SEMA5A: variants seen among roughly 807,000 people sequenced by gnomAD.
SEMA5A encodes semaphorin 5A, also known as semaphorin-5A.
SEMA5A carries 55 observed loss-of-function variants against 135.5 expected under a neutral mutation model. The ratio of observed to expected loss-of-function variants is 0.41; its 90% CI spans 0.33 to 0.51. SEMA5A has a LOEUF of 0.51. Ranked by LOEUF, SEMA5A falls within the 20% of genes least tolerant of loss-of-function variation. The probability of loss-of-function intolerance (pLI) is 0.37; values close to 1 mark genes in which losing one functional copy is unlikely to be tolerated. For missense variants in SEMA5A, 1,290 were observed against 1,419.9 expected (o/e 0.91, Z 1.47); for synonymous variants, 580 against 546.5 (o/e 1.06, Z -0.85).
intron 3 of SEMA5A, among the ~76,000 whole-genome samples, chr5:9,359,164 G>C (rs566086613): frequency 1.3e-5 from 2 of 152,242 alleles, no homozygotes; most frequent in East Asian, 1.9e-4. Flanking sequence ...CCACCAGCTA[G>C]AGGCTGCAGA....
chr5:9,501,400 T>G (rs969613467), intron 1 of SEMA5A, among the ~76,000 whole-genome samples: 2 of 152,234 alleles, frequency 1.3e-5, no homozygotes, highest in Non-Finnish European at 2.9e-5. Context: ...TGTGTATTTG[T>G]GTGTGTGCAT....
intron 16 of SEMA5A, among the ~76,000 whole-genome samples, chr5:9,106,127 T>C (rs1200139697): frequency 6.6e-6 from 1 of 152,076 alleles, no homozygotes; most frequent in Non-Finnish European, 1.5e-5. Context: ...AATAACACCT[T>C]CCTAGAAGTA....
chr5:9,298,009 T>G (rs1751427036), intron 5 of SEMA5A, among the ~76,000 whole-genome samples: 1 of 152,170 alleles, frequency 6.6e-6, no homozygotes, highest in Non-Finnish European at 1.5e-5. Context: ...GACCAAAATG[T>G]CCTCTAGTCA....
At chr5:9,227,037 T>C in intron 6 of SEMA5A, 70 bp from the exon 7 acceptor site, 3 of 759,304 alleles carry the variant, frequency 4.0e-6, no homozygotes, top group Middle Eastern at 3.3e-4. Flanking sequence ...GCTAACAAAG[T>C]CTGAGCACAA....
At chr5:9,335,702 G>T (rs1354617208) in intron 4 of SEMA5A, among the ~76,000 whole-genome samples, 1 of 152,174 alleles carries the variant, frequency 6.6e-6, no homozygotes, top group East Asian at 1.9e-4. Flanking sequence ...TATACAGCCT[G>T]CCACTGGCTC....
intron 6 of SEMA5A, 93 bp from the exon 7 acceptor site, chr5:9,227,060 G>A: frequency 3.8e-6 from 2 of 528,148 alleles, no homozygotes; most frequent in Non-Finnish European, 5.7e-6. Flanking sequence ...AGAATGGTGA[G>A]AAGGAATACA....
intron 16 of SEMA5A, among the ~76,000 whole-genome samples, chr5:9,067,565 C>T (rs945195860): frequency 1.4e-5 from 2 of 139,158 alleles, no homozygotes; most frequent in Non-Finnish European, 3.1e-5. Flanking sequence ...AATTAAATCA[C>T]TCTTTAAGCT....
chr5:9,182,922 T>C (rs1283855178), intron 11 of SEMA5A, among the ~76,000 whole-genome samples: 1 of 152,142 alleles, frequency 6.6e-6, no homozygotes, highest in Non-Finnish European at 1.5e-5. Context: ...GTAATTATTA[T>C]TATGCTTAGA....
chr5:9,409,447 G>A (rs1314815393), intron 2 of SEMA5A, among the ~76,000 whole-genome samples: 1 of 152,124 alleles, frequency 6.6e-6, no homozygotes, highest in African/African-American at 2.4e-5. Flanking sequence ...CATCTGGTAG[G>A]CTGAGTTCAT....
chr5:9,380,857 T>G (rs1755570251), intron 2 of SEMA5A, among the ~76,000 whole-genome samples: 1 of 152,020 alleles, frequency 6.6e-6, no homozygotes, highest in South Asian at 2.1e-4. Flanking sequence ...GACGGGTCCA[T>G]GCAGGGGCTC....
intron 3 of SEMA5A, among the ~76,000 whole-genome samples, chr5:9,353,401 A>AGAAAGGAAG (rs1329838579): frequency 1.2e-4 from 10 of 86,562 alleles, no homozygotes; most frequent in African/African-American, 4.2e-4. Context: ...AGGAAGGGAA[A>AGAAAGGAAG]GAAAGGAAGG....
At chr5:9,089,850 G>A (rs1738934664) in intron 16 of SEMA5A, among the ~76,000 whole-genome samples, 1 of 152,048 alleles carries the variant, frequency 6.6e-6, no homozygotes, top group East Asian at 1.9e-4. Context: ...TTCATATTAG[G>A]ATGAGTGTTA....
chr5:9,217,275 G>T (rs1441326703), intron 8 of SEMA5A, among the ~76,000 whole-genome samples: 1 of 152,072 alleles, frequency 6.6e-6, no homozygotes, highest in East Asian at 1.9e-4. Flanking sequence ...CTTGGTTGAA[G>T]ACTTTTTCTT....
chr5:9,288,707 C>T (rs967918870), intron 5 of SEMA5A, among the ~76,000 whole-genome samples: 3 of 152,160 alleles, frequency 2.0e-5, no homozygotes, highest in South Asian at 2.1e-4. Flanking sequence ...TAAGTCTTTT[C>T]TCCAACATTA....
intron 5 of SEMA5A, among the ~76,000 whole-genome samples, chr5:9,253,181 C>T (rs1748889895): frequency 6.6e-6 from 1 of 152,140 alleles, no homozygotes; most frequent in Non-Finnish European, 1.5e-5. Flanking sequence ...ATGTCTGAAA[C>T]AAGTAATGCT....
At chr5:9,127,648 C>T (rs1054613603) in intron 13 of SEMA5A, among the ~76,000 whole-genome samples, 4 of 152,150 alleles carry the variant, frequency 2.6e-5, no homozygotes, top group Admixed American at 6.5e-5. Context: ...TTTCATGAAG[C>T]AGATGCATTT....
chr5:9,122,811 G>A lies in SEMA5A; in HGVS notation c.1626C>T (p.His542=). The change falls in exon 14 of 23, where the codon CAC becomes CAT. Residue 542 remains histidine, a synonymous_variant. Coordinates refer to ENST00000382496, the MANE Select transcript of SEMA5A (RefSeq NM_003966.3). ...CPTRNLTVDG[H]FGVWSPWTPC... ...GCGTCCACGGAGACCACACACCAAA[G>A]TGCCCATCCACGGTGAGATTCCTGG... is the stretch of plus-strand genomic sequence containing the variant. 6.2e-7 allele frequency: 1 copy of A among 1,606,806 alleles called. No individual in the cohort carries two copies. The highest frequency in any genetic ancestry group is 1.3e-5 in the African/African-American group (1 of 74,822).
At chr5:9,445,530 G>A (rs1368893733) in intron 1 of SEMA5A, among the ~76,000 whole-genome samples, 1 of 152,080 alleles carries the variant, frequency 6.6e-6, no homozygotes, top group Non-Finnish European at 1.5e-5. Context: ...TTAGCCGGGT[G>A]TGGTGGCGGG....
intron 1 of SEMA5A, among the ~76,000 whole-genome samples, chr5:9,535,060 C>G (rs1462765932): frequency 6.6e-6 from 1 of 152,170 alleles, no homozygotes; most frequent in African/African-American, 2.4e-5. Flanking sequence ...GTGTGAGCCC[C>G]GGGAAAGCCC....
Sources: allele counts gnomAD v4.1 joint callset (sites outside exome capture counted in the v4.1 genomes callset), GRCh38; gene constraint gnomAD v4.1.1; transcripts MANE v1.5; gene names NCBI Gene and HGNC (gene_info 2026-07-23, HGNC 2026-07-21).